LRP1B: variants seen among roughly 807,000 people sequenced by gnomAD.
LRP1B encodes the protein LDL receptor related protein 1B.
LRP1B carries 217 observed loss-of-function variants against 556.6 expected under a neutral mutation model. The ratio of observed to expected loss-of-function variants is 0.39; its 90% confidence interval spans 0.35 to 0.44. LRP1B has a LOEUF of 0.44. LRP1B is among the 20% of genes least tolerant of loss of function. The pLI is 1.00. For synonymous variants in LRP1B, 2,047 were observed against 1,865.8 expected (o/e 1.10, Z -2.50); for missense variants, 5,053 against 5,620.8 (o/e 0.90, Z 3.23).
At chr2:141,108,537 A>G (rs1183608856) in intron 7 of LRP1B, among the ~76,000 whole-genome samples, 2 of 151,484 alleles carry the variant, frequency 1.3e-5, no homozygotes, top group Admixed American at 1.3e-4. Context: ...TTTAGTAGAG[A>G]CACAGTTTCA....
chr2:140,904,966 A>G (rs949454117), intron 22 of LRP1B, among the ~76,000 whole-genome samples: 4 of 152,138 alleles, frequency 2.6e-5, no homozygotes, highest in African/African-American at 9.7e-5. Flanking sequence ...GGTTAAATGA[A>G]ATTCACATTG....
intron 3 of LRP1B, among the ~76,000 whole-genome samples, chr2:141,287,017 T>C (rs1573756712): frequency 1.3e-5 from 2 of 152,342 alleles, no homozygotes; most frequent in Non-Finnish European, 1.5e-5. Flanking sequence ...TGATGGGTAG[T>C]AAAGATTTGT....
At chr2:140,931,229 T>C (rs932695940) in intron 20 of LRP1B, among the ~76,000 whole-genome samples, 5 of 152,160 alleles carry the variant, frequency 3.3e-5, no homozygotes, top group African/African-American at 9.6e-5. Flanking sequence ...CCTTATCCCA[T>C]TGGACCTTCA....
chr2:141,576,588 T>A (rs1000269670), intron 2 of LRP1B, among the ~76,000 whole-genome samples: 2 of 151,970 alleles, frequency 1.3e-5, no homozygotes, highest in African/African-American at 2.4e-5. Flanking sequence ...AGAAGAAATT[T>A]AAAAAAATTT....
chr2:141,977,435 G>T (rs1479756280), intron 1 of LRP1B, among the ~76,000 whole-genome samples: 1 of 152,056 alleles, frequency 6.6e-6, no homozygotes, highest in African/African-American at 2.4e-5. Flanking sequence ...ATCCAGGAAT[G>T]CTTGTAATCC....
intron 23 of LRP1B, among the ~76,000 whole-genome samples, chr2:140,890,126 A>G (rs145250683): frequency 2.6e-5 from 4 of 151,924 alleles, no homozygotes; most frequent in African/African-American, 9.6e-5. Context: ...CTAGTTCCAG[A>G]TGGGTACATA....
chr2:140,512,914 C>T (rs767440648), intron 51 of LRP1B, among the ~76,000 whole-genome samples: 4 of 152,064 alleles, frequency 2.6e-5, no homozygotes, highest in Non-Finnish European at 5.9e-5. Context: ...GCAGTATTTT[C>T]TTTATGTGTC....
At chr2:141,955,095 T>A (rs1701210755) in intron 1 of LRP1B, among the ~76,000 whole-genome samples, 1 of 152,150 alleles carries the variant, frequency 6.6e-6, no homozygotes, top group Non-Finnish European at 1.5e-5. Context: ...CTGAAGCCAC[T>A]GCATATCCTT....
At chr2:140,993,623 TA>T (rs1251057427) in intron 16 of LRP1B, among the ~76,000 whole-genome samples, 4 of 152,036 alleles carry the variant, frequency 2.6e-5, no homozygotes, top group Non-Finnish European at 5.9e-5. Context: ...TGACCTTCTG[TA>T]CCAATAATTT....
At chr2:140,362,847 C>T (rs1423576031) in intron 72 of LRP1B, among the ~76,000 whole-genome samples, 1 of 151,504 alleles carries the variant, frequency 6.6e-6, no homozygotes, top group Non-Finnish European at 1.5e-5. Flanking sequence ...TATTTTTGTG[C>T]ACATTAATAT....
chr2:140,739,569 A>T (rs1288879171), intron 35 of LRP1B, among the ~76,000 whole-genome samples: 2 of 152,202 alleles, frequency 1.3e-5, no homozygotes, highest in Non-Finnish European at 2.9e-5. Context: ...CAAACGCCTA[A>T]TACCACATAC....
intron 83 of LRP1B, among the ~76,000 whole-genome samples, chr2:140,311,482 C>T (rs1444117818): frequency 1.3e-5 from 2 of 151,612 alleles, no homozygotes; most frequent in African/African-American, 4.8e-5. Context: ...CATGTGTACA[C>T]GTAGACATGT....
chr2:140,978,984 A>AT (rs1696685361), intron 18 of LRP1B, among the ~76,000 whole-genome samples: 1 of 151,870 alleles, frequency 6.6e-6, no homozygotes, highest in African/African-American at 2.4e-5. Flanking sequence ...GCTTATTTTT[A>AT]TTTTATTTTT....
At chr2:142,083,614 T>C (rs905220811) in intron 1 of LRP1B, among the ~76,000 whole-genome samples, 1 of 152,216 alleles carries the variant, frequency 6.6e-6, no homozygotes, top group African/African-American at 2.4e-5. Context: ...TAGTATATAT[T>C]TAGTTCTTCT....
At chr2:141,042,033 G>A (rs573619284) in intron 11 of LRP1B, among the ~76,000 whole-genome samples, 9 of 152,200 alleles carry the variant, frequency 5.9e-5, no homozygotes, top group African/African-American at 2.2e-4. Flanking sequence ...GCATACCACA[G>A]ACTCCAAAAT....
At chr2:141,582,810 G>A (rs1397873909) in intron 2 of LRP1B, among the ~76,000 whole-genome samples, 2 of 141,654 alleles carry the variant, frequency 1.4e-5, no homozygotes, top group African/African-American at 5.1e-5. Context: ...CTGAAATCTT[G>A]ATAATAACCT....
chr2:140,421,410 TG>T (rs1233712391), intron 66 of LRP1B, among the ~76,000 whole-genome samples: 1 of 152,216 alleles, frequency 6.6e-6, no homozygotes, highest in African/African-American at 2.4e-5. Flanking sequence ...AGATTTATAC[TG>T]GTCACTAATG....
chr2:141,140,214 G>A (rs10192847), intron 7 of LRP1B, among the ~76,000 whole-genome samples: 58,256 of 151,674 alleles, frequency 0.38, 12,682 homozygotes, highest in African/African-American at 0.6. Flanking sequence ...ACAAGGGAAC[G>A]TTTAGGAGAG....
At chr2:140,356,625 C>A in intron 74 of LRP1B, 149 bp from the exon 75 acceptor site, 1 of 570,912 alleles carries the variant, frequency 1.8e-6, no homozygotes, top group South Asian at 2.2e-5. Flanking sequence ...CCATATAAGC[C>A]CCCATGTCTT....
Sources: allele counts gnomAD v4.1 joint callset (sites outside exome capture counted in the v4.1 genomes callset), GRCh38; gene constraint gnomAD v4.1.1; transcripts MANE v1.5; gene names NCBI Gene and HGNC (gene_info 2026-07-23, HGNC 2026-07-21).